NEGR1: variants seen among roughly 807,000 people sequenced by gnomAD.
The protein encoded by NEGR1 is neuronal growth regulator 1, also known as IgLON family member 4.
NEGR1 carries 10 observed loss-of-function variants against 40.9 expected under a neutral mutation model. That is an observed-to-expected ratio of 0.24 (90% CI 0.15 to 0.42). The LOEUF (loss-of-function observed/expected upper bound fraction) is 0.42, where lower values mean the gene tolerates loss of function less well. NEGR1 is among the 10% of genes least tolerant of loss of function. The probability of loss-of-function intolerance (pLI) is 1.00; values close to 1 mark genes in which losing one functional copy is unlikely to be tolerated. For synonymous variants in NEGR1, 185 were observed against 166.8 expected (o/e 1.11, Z -0.84); for missense variants, 352 against 438.9 (o/e 0.80, Z 1.77).
At chr1:72,093,283 A>G (rs1412192088) in intron 1 of NEGR1, among the ~76,000 whole-genome samples, 1 of 145,612 alleles carries the variant, frequency 6.9e-6, no homozygotes, top group African/African-American at 2.7e-5. Flanking sequence ...GTGAGCAAAG[A>G]CTGTGCCACT....
intron 1 of NEGR1, among the ~76,000 whole-genome samples, chr1:72,225,592 A>G (rs1405529428): frequency 6.6e-6 from 1 of 151,516 alleles, no homozygotes; most frequent in East Asian, 1.9e-4. Context: ...ATATATATTT[A>G]AATAACTGAG....
chr1:72,216,029 TAA>T (rs920366527), intron 1 of NEGR1, among the ~76,000 whole-genome samples: 15 of 151,810 alleles, frequency 9.9e-5, no homozygotes, highest in African/African-American at 3.6e-4. Context: ...TATGCAGTTA[TAA>T]AAAAGGATGA....
intron 2 of NEGR1, among the ~76,000 whole-genome samples, chr1:71,854,433 A>T (rs1482927365): frequency 6.6e-6 from 1 of 152,142 alleles, no homozygotes; most frequent in Non-Finnish European, 1.5e-5. Context: ...TGTACCCCAC[A>T]TCTAATACAG....
intron 1 of NEGR1, among the ~76,000 whole-genome samples, chr1:72,036,527 G>A (rs756788149): frequency 1.2e-4 from 18 of 151,718 alleles, no homozygotes; most frequent in East Asian, 5.9e-4. Flanking sequence ...ATGGTGGTGC[G>A]CGCCTGTAAT....
At chr1:72,165,320 G>A (rs1651727106) in intron 1 of NEGR1, among the ~76,000 whole-genome samples, 1 of 151,912 alleles carries the variant, frequency 6.6e-6, no homozygotes, top group Admixed American at 6.6e-5. Context: ...AAAATAGTTG[G>A]TCAAACAACA....
At chr1:71,497,454 C>A (rs1229468232) in intron 6 of NEGR1, among the ~76,000 whole-genome samples, 1 of 151,278 alleles carries the variant, frequency 6.6e-6, no homozygotes, top group Admixed American at 6.6e-5. Context: ...TTCAAATATG[C>A]TTTTTTCTAA....
At chr1:71,547,478 T>A (rs979046060) in intron 6 of NEGR1, among the ~76,000 whole-genome samples, 1 of 151,738 alleles carries the variant, frequency 6.6e-6, no homozygotes, top group Non-Finnish European at 1.5e-5. Flanking sequence ...TTCTAAAACC[T>A]GGACTCACAA....
intron 6 of NEGR1, among the ~76,000 whole-genome samples, chr1:71,420,335 A>C (rs978491141): frequency 6.6e-6 from 1 of 152,094 alleles, no homozygotes; most frequent in African/African-American, 2.4e-5. Context: ...AAGTCAGGAA[A>C]TTATAATTTA....
intron 6 of NEGR1, among the ~76,000 whole-genome samples, chr1:71,427,832 C>T (rs1646438989): frequency 6.6e-6 from 1 of 152,052 alleles, no homozygotes; most frequent in African/African-American, 2.4e-5. Context: ...TAGATCGAGA[C>T]AATCACATGA....
At chr1:71,833,104 G>A (rs1289818166) in intron 2 of NEGR1, among the ~76,000 whole-genome samples, 1 of 151,836 alleles carries the variant, frequency 6.6e-6, no homozygotes, top group Non-Finnish European at 1.5e-5. Context: ...AACCAATAAG[G>A]AAAAATTACG....
chr1:71,697,748 T>C (rs987642820), intron 4 of NEGR1, among the ~76,000 whole-genome samples: 1 of 151,748 alleles, frequency 6.6e-6, no homozygotes, highest in African/African-American at 2.4e-5. Flanking sequence ...CACCACAGTT[T>C]AGAATGCCAG....
At position 71,959,812 on chromosome 1, in the gene NEGR1, C is replaced by T. The variant is rs527845803; in HGVS notation, c.177-24501G>A. ...AATTATATTATTATTTTTTCAATGACGTTTTGTGACTTGAAAACCCTTAAA... is the reference window on the plus strand; with the variant it reads ...AATTATATTATTATTTTTTCAATGATGTTTTGTGACTTGAAAACCCTTAAA... On this transcript the variant is annotated intron_variant, in intron 1 of 6. Coordinates refer to ENST00000357731, the MANE Select transcript of NEGR1 (RefSeq NM_173808.3). 5.3e-5 allele frequency among the ~76,000 whole-genome samples: 8 copies of T among 152,074 alleles called. No individual in the cohort carries two copies. The South Asian group carries it at 1.2e-3, about 24-fold the overall frequency.
At chr1:72,117,816 C>A (rs1034061600) in intron 1 of NEGR1, among the ~76,000 whole-genome samples, 1 of 151,804 alleles carries the variant, frequency 6.6e-6, no homozygotes, top group Non-Finnish European at 1.5e-5. Flanking sequence ...TGTTCACTTG[C>A]CTCAAGGTAT....
chr1:71,718,688 A>T (rs1417843485), intron 3 of NEGR1, among the ~76,000 whole-genome samples: 1 of 152,218 alleles, frequency 6.6e-6, no homozygotes, highest in Non-Finnish European at 1.5e-5. Flanking sequence ...CACTGAAAGT[A>T]TCACAGGATA....
chr1:71,859,405 C>A (rs1214717210), intron 2 of NEGR1, among the ~76,000 whole-genome samples: 1 of 152,038 alleles, frequency 6.6e-6, no homozygotes, highest in Non-Finnish European at 1.5e-5. Flanking sequence ...CTCTCTAAAA[C>A]ACATCCTATT....
chr1:71,915,622 G>A (rs1016924308), intron 2 of NEGR1, among the ~76,000 whole-genome samples: 3 of 152,002 alleles, frequency 2.0e-5, no homozygotes, highest in African/African-American at 7.3e-5. Context: ...TAGACTAAGG[G>A]TCTCAAACTT....
intron 1 of NEGR1, among the ~76,000 whole-genome samples, chr1:72,228,998 G>C (rs1654275741): frequency 6.6e-6 from 1 of 151,974 alleles, no homozygotes; most frequent in African/African-American, 2.4e-5. Context: ...GTATTATTTA[G>C]CTTTAATCCA....
At chr1:72,116,428 A>G (rs1050272285) in intron 1 of NEGR1, among the ~76,000 whole-genome samples, 1 of 151,700 alleles carries the variant, frequency 6.6e-6, no homozygotes. Context: ...GTAACACCCA[A>G]TCTGCAAACT....
At chr1:72,053,960 G>A (rs1240423008) in intron 1 of NEGR1, among the ~76,000 whole-genome samples, 6 of 150,722 alleles carry the variant, frequency 4.0e-5, no homozygotes, top group South Asian at 2.1e-4. Context: ...GAATGAAGCC[G>A]TCTCTTGTGA....
Sources: gnomAD v4.1 joint callset for allele counts (sites outside exome capture counted in the v4.1 genomes callset) on GRCh38, gnomAD v4.1.1 for gene constraint, MANE v1.5 for transcripts, NCBI Gene and HGNC (gene_info 2026-07-23, HGNC 2026-07-21) for gene names.